The following LSAMP variants were observed in gnomAD, a reference collection of about 807,000 sequenced individuals.
LSAMP encodes the protein limbic system associated membrane protein, also known as limbic system-associated membrane protein.
In LSAMP, 7 loss-of-function variants were observed where a neutral mutation model predicts 38.6. That is an observed-to-expected ratio of 0.18 (90% CI 0.10 to 0.34). The LOEUF (loss-of-function observed/expected upper bound fraction) is 0.34, where lower values mean the gene tolerates loss of function less well. Among genes scored for constraint, LSAMP ranks in the 10% least tolerant of loss-of-function variants. The pLI, the probability that LSAMP is intolerant of heterozygous loss-of-function variation, is 1.00. For missense variants in LSAMP, 313 were observed against 420.0 expected, an observed-to-expected ratio of 0.75 and a Z score of 2.23; for synonymous variants, 154 against 166.8, an observed-to-expected ratio of 0.92 and a Z score of 0.59.
intron 1 of LSAMP, among the ~76,000 whole-genome samples, chr3:116,315,825 G>T (rs1344770010): frequency 1.3e-5 from 2 of 152,108 alleles, no homozygotes; most frequent in Non-Finnish European, 1.5e-5. Context: ...CACTCAATTG[G>T]TAAGTGATGG....
intron 3 of LSAMP, among the ~76,000 whole-genome samples, chr3:115,970,671 G>T (rs1453796729): frequency 1.3e-5 from 2 of 152,120 alleles, no homozygotes; most frequent in Non-Finnish European, 2.9e-5. Context: ...GCATTTGAAT[G>T]TATATATCAC....
intron 2 of LSAMP, among the ~76,000 whole-genome samples, chr3:116,024,938 T>C (rs1182484605): frequency 6.6e-6 from 1 of 151,934 alleles, no homozygotes; most frequent in Non-Finnish European, 1.5e-5. Context: ...TCACAAACTT[T>C]ACTCTTCCTC....
chr3:115,876,225 T>C (rs1179161291), intron 3 of LSAMP, among the ~76,000 whole-genome samples: 1 of 150,054 alleles, frequency 6.7e-6, no homozygotes, highest in Non-Finnish European at 1.5e-5. Flanking sequence ...CAGTTCCTCA[T>C]TCACTTTTGC....
At chr3:116,291,059 G>A (rs1356786656) in intron 1 of LSAMP, among the ~76,000 whole-genome samples, 4 of 152,102 alleles carry the variant, frequency 2.6e-5, no homozygotes, top group Admixed American at 6.5e-5. Context: ...AAAGACACCA[G>A]TCAAATTATC....
chr3:116,152,829 C>G (rs939605366), intron 1 of LSAMP, among the ~76,000 whole-genome samples: 1 of 152,118 alleles, frequency 6.6e-6, no homozygotes, highest in South Asian at 2.1e-4. Flanking sequence ...CACAACTGAT[C>G]TAAAGTTATA....
At chr3:116,307,627 T>C (rs537062281) in intron 1 of LSAMP, among the ~76,000 whole-genome samples, 2 of 151,890 alleles carry the variant, frequency 1.3e-5, no homozygotes, top group South Asian at 2.1e-4. Context: ...TTATTCAAAA[T>C]AGTAAAAGAT....
At chr3:116,113,818 C>T (rs1312879222) in intron 1 of LSAMP, among the ~76,000 whole-genome samples, 1 of 152,062 alleles carries the variant, frequency 6.6e-6, no homozygotes, top group East Asian at 1.9e-4. Flanking sequence ...ATATTTACTA[C>T]TCACAAAAAC....
intron 1 of LSAMP, among the ~76,000 whole-genome samples, chr3:116,241,290 C>G (rs144120861): frequency 6.7e-6 from 1 of 150,360 alleles, no homozygotes; most frequent in African/African-American, 2.4e-5. Context: ...GTTGGCCGGG[C>G]GCAGTGGCTC....
At chr3:116,076,383 G>T (rs1404761350) in intron 2 of LSAMP, among the ~76,000 whole-genome samples, 1 of 151,792 alleles carries the variant, frequency 6.6e-6, no homozygotes, top group African/African-American at 2.4e-5. Context: ...TCAGCCTCCC[G>T]AGTAGCTGGG....
chr3:116,302,634 G>A (rs924579032), intron 1 of LSAMP, among the ~76,000 whole-genome samples: 4 of 152,296 alleles, frequency 2.6e-5, no homozygotes, highest in South Asian at 4.1e-4. Context: ...GATGGCTATG[G>A]TGTTTTATCA....
chr3:115,999,012 T>C (rs779203272), intron 3 of LSAMP, among the ~76,000 whole-genome samples: 8 of 152,074 alleles, frequency 5.3e-5, no homozygotes, highest in Non-Finnish European at 1.0e-4. Flanking sequence ...GCAAAAAGCA[T>C]TTAAAAACCA....
chr3:116,301,720 G>T (rs1175672502), intron 1 of LSAMP, among the ~76,000 whole-genome samples: 2 of 152,104 alleles, frequency 1.3e-5, no homozygotes, highest in African/African-American at 2.4e-5. Context: ...GGAAATTAAG[G>T]CTTCAGAAGG....
chr3:115,989,217 A>G (rs1939598344), intron 3 of LSAMP, among the ~76,000 whole-genome samples: 3 of 152,178 alleles, frequency 2.0e-5, no homozygotes, highest in African/African-American at 7.2e-5. Flanking sequence ...AACAGAGAAA[A>G]TAAATGCTAA....
intron 3 of LSAMP, among the ~76,000 whole-genome samples, chr3:115,859,946 A>G (rs919519062): frequency 6.6e-6 from 1 of 152,158 alleles, no homozygotes; most frequent in Non-Finnish European, 1.5e-5. Context: ...TCTAAATGTG[A>G]TGCTTGAAGT....
intron 1 of LSAMP, among the ~76,000 whole-genome samples, chr3:116,249,437 G>A (rs938887398): frequency 7.9e-5 from 12 of 151,072 alleles, no homozygotes; most frequent in Non-Finnish European, 1.0e-4. Context: ...CCAGACTGGA[G>A]TGCAGTGGCG....
At chr3:116,343,352 C>G (rs899292417) in intron 1 of LSAMP, among the ~76,000 whole-genome samples, 3 of 152,084 alleles carry the variant, frequency 2.0e-5, no homozygotes, top group Non-Finnish European at 4.4e-5. Flanking sequence ...GAGTAAAAAC[C>G]CACCCTAGAT....
chr3:115,921,232 C>A (rs1290857248), intron 3 of LSAMP, among the ~76,000 whole-genome samples: 2 of 151,912 alleles, frequency 1.3e-5, no homozygotes, highest in Non-Finnish European at 2.9e-5. Context: ...CACCATTTTG[C>A]CCATTGTTTT....
chr3:115,822,100 T>G (rs1934259618), intron 6 of LSAMP, among the ~76,000 whole-genome samples: 1 of 152,214 alleles, frequency 6.6e-6, no homozygotes, highest in African/African-American at 2.4e-5. Flanking sequence ...TTTTTTTCTT[T>G]TGCCATAGAA....
intron 1 of LSAMP, among the ~76,000 whole-genome samples, chr3:116,329,222 C>T (rs2047816754): frequency 6.6e-6 from 1 of 152,108 alleles, no homozygotes; most frequent in Non-Finnish European, 1.5e-5. Context: ...TACAACAGCC[C>T]AGTGAATTTT....
Sources: gnomAD v4.1 joint callset for allele counts (sites outside exome capture counted in the v4.1 genomes callset) on GRCh38, gnomAD v4.1.1 for gene constraint, MANE v1.5 for transcripts, NCBI Gene and HGNC (gene_info 2026-07-23, HGNC 2026-07-21) for gene names.